The following NIBAN3 variants were observed in gnomAD, a reference collection of about 807,000 sequenced individuals.
NIBAN3 encodes niban apoptosis regulator 3.
NIBAN3 carries 66 observed loss-of-function variants against 76.4 expected under a neutral mutation model. That is an observed-to-expected ratio of 0.86 (90% confidence interval 0.71 to 1.06). NIBAN3 has a LOEUF of 1.06. Ranked by LOEUF, NIBAN3 falls within the 50% of genes least tolerant of loss-of-function variation. The probability of loss-of-function intolerance (pLI) is 0.00; values close to 1 mark genes in which losing one functional copy is unlikely to be tolerated. For missense variants in NIBAN3, 808 were observed against 810.7 expected (o/e 1.00, Z 0.04); for synonymous variants, 360 against 355.2 (o/e 1.01, Z -0.15).
intron 4 of NIBAN3, among the ~76,000 whole-genome samples, chr19:17,536,916 C>T (rs775352026): frequency 2.0e-5 from 3 of 152,058 alleles, no homozygotes; most frequent in Non-Finnish European, 4.4e-5. Context: ...GCAGGCAGAT[C>T]GCTTGAGCTC....
rs759891747 is a variant in NIBAN3, at chr19:17,527,274, C to T, written c.-67C>T. 5 of 1,550,444 alleles carry T rather than the reference C, an allele frequency of 3.2e-6. No individual in the cohort carries two copies. The highest frequency in any genetic ancestry group is 3.5e-4 in the Middle Eastern group (2 of 5,658). ...GCCTCTCACCCGCCATCCAGGTGCC[C>T]CTGAGCCGAGGAACGCAGGCGGTGG... On this transcript the variant is annotated 5_prime_UTR_variant, in exon 1 of 15. Transcript: ENST00000599164.
intron 4 of NIBAN3, among the ~76,000 whole-genome samples, chr19:17,534,006 G>C (rs1317398373): frequency 6.6e-6 from 1 of 152,204 alleles, no homozygotes; most frequent in Non-Finnish European, 1.5e-5. Context: ...GGGAGAGTTA[G>C]GTCATGGGAC....
intron 13 of NIBAN3, among the ~76,000 whole-genome samples, chr19:17,548,433 G>C (rs768986763): frequency 2.0e-5 from 3 of 152,160 alleles, no homozygotes; most frequent in Non-Finnish European, 4.4e-5. Context: ...ACAAAGGACA[G>C]GCCCGAGCAG....
rs201596372 is a variant in NIBAN3, at chr19:17,537,361, C to T, written c.428-15C>T. 8.1e-5 allele frequency: 130 copies of T among 1,611,492 alleles called. No individual in the cohort carries two copies. In the African/African-American group the frequency reaches 1.5e-3, roughly 18 times the overall value. ...AATGAACGTCTAGAAGATGCGACCT[C>T]CTGTTTGTTTTCAGGAGACCATACT... On this transcript the variant is annotated splice_polypyrimidine_tract_variant and intron_variant, in intron 4 of 14. Coordinates refer to ENST00000599164, the MANE Select transcript of NIBAN3 (RefSeq NM_001321827.2).
At chr19:17,538,979 T>A (rs2075881644) in intron 5 of NIBAN3, among the ~76,000 whole-genome samples, 171 bp from the exon 6 acceptor site, 1 of 152,196 alleles carries the variant, frequency 6.6e-6, no homozygotes, top group Non-Finnish European at 1.5e-5. Flanking sequence ...TGAATAAACA[T>A]GATGGTCTTG....
At chr19:17,549,363 G>A in intron 13 of NIBAN3, 81 bp from the exon 14 acceptor site, 1 of 959,184 alleles carries the variant, frequency 1.0e-6, no homozygotes, top group African/African-American at 1.6e-5. Flanking sequence ...TGAGACATTT[G>A]TAGTCTCTCT....
At chr19:17,553,871 CTTT>C (rs368209352), downstream of NIBAN3, 111 of 141,088 alleles carry the variant, frequency 7.9e-4, no homozygotes, top group South Asian at 3.2e-3. Context: ...TTGTTTTTAC[CTTT>C]TTTTTTTTTT....
intron 13 of NIBAN3, among the ~76,000 whole-genome samples, chr19:17,547,600 C>T (rs999871145): frequency 6.7e-6 from 1 of 150,112 alleles, no homozygotes; most frequent in Admixed American, 6.6e-5. Context: ...TGATCCTCCC[C>T]CCTTGGGCTC....
chr19:17,545,391 T>C (rs2076034243), intron 12 of NIBAN3: 1 of 171,964 alleles, frequency 5.8e-6, no homozygotes, highest in Non-Finnish European at 1.2e-5. Context: ...GGTCTCTCCC[T>C]GTGTGCAGAG....
chr19:17,539,364 G>C lies in NIBAN3; in HGVS notation c.729G>C (p.Leu243=). 1 of 1,544,696 alleles carries C rather than the reference G, an allele frequency of 6.5e-7. No homozygotes were observed. The highest frequency in any genetic ancestry group is 2.4e-5 in the East Asian group (1 of 41,102). The stretch of plus-strand genomic sequence containing the variant: ...TCCTGCAGGTGCTGACCGCGGTGCT[G>C]ATGCGGGAGCAACTTCCCGCGCTGC... The part of the protein sequence containing the change: ...GSDAEVLTAV[L]MREQLPALRA... The change falls in exon 7 of 15, where the codon CTG becomes CTC. Residue 243 remains leucine, a synonymous_variant. Coordinates refer to ENST00000599164, the MANE Select transcript of NIBAN3 (RefSeq NM_001321827.2).
chr19:17,539,001 T>C, intron 5 of NIBAN3, 149 bp from the exon 6 acceptor site: 1 of 643,226 alleles, frequency 1.6e-6, no homozygotes. Flanking sequence ...GGGACTGTGT[T>C]CCCTGTGGAG....
At position 17,544,383 on chromosome 19, in the gene NIBAN3, C is replaced by T. The variant is rs117026635; in HGVS notation, c.1554+752C>T. 2.9e-3 allele frequency among the ~76,000 whole-genome samples: 445 copies of T among 152,296 alleles called. 1 individual carries two copies. Among genetic ancestry groups the T allele is most frequent in the Non-Finnish European group, 4.6e-3 (316 of 68,022 alleles). ...ACAATGCCCTCTGCTTCACCTATGACGGGGTTCATTACCCTGTGTCTGCCA... is the reference window on the plus strand; with the variant it reads ...ACAATGCCCTCTGCTTCACCTATGATGGGGTTCATTACCCTGTGTCTGCCA... On this transcript the variant is annotated intron_variant, in intron 12 of 14. Coordinates refer to ENST00000599164, the MANE Select transcript of NIBAN3 (RefSeq NM_001321827.2).
At chr19:17,528,887 G>T (rs1181399032) in intron 1 of NIBAN3, among the ~76,000 whole-genome samples, 1 of 151,966 alleles carries the variant, frequency 6.6e-6, no homozygotes, top group Non-Finnish European at 1.5e-5. Flanking sequence ...TGCATGGTGA[G>T]AATGATGGGA....
Position 17,539,471 on chromosome 19 carries a change from C to T in NIBAN3, c.816+20C>T. ...ACCGAGGTATGCACGGCGTCCGGAT[C>T]CGGGATAGGGGGCGGGATGCGGGCG... is the stretch of plus-strand genomic sequence containing the variant. On this transcript the variant is annotated intron_variant, in intron 7 of 14. Coordinates refer to ENST00000599164, the MANE Select transcript of NIBAN3 (RefSeq NM_001321827.2). 6.8e-7 allele frequency: 1 copy of T among 1,461,560 alleles called. No individual in the cohort carries two copies. The highest frequency in any genetic ancestry group is 9.0e-7 in the Non-Finnish European group (1 of 1,107,072). The allele number at this position is 1,461,560 out of a possible 1,614,324, so 90.5% of individuals were successfully genotyped here.
intron 14 of NIBAN3, among the ~76,000 whole-genome samples, chr19:17,551,339 C>T (rs1200916520): frequency 1.3e-5 from 2 of 151,914 alleles, no homozygotes; most frequent in South Asian, 2.1e-4. Flanking sequence ...AGGTGATCCA[C>T]CTGCCTCGGC....
intron 1 of NIBAN3, 45 bp downstream of exon 1, chr19:17,527,440 G>A (rs778743860): frequency 1.4e-6 from 2 of 1,473,382 alleles, no homozygotes; most frequent in Non-Finnish European, 1.8e-6. Flanking sequence ...AGGTGGGTGG[G>A]GGCTCCAGCC....
At chr19:17,530,370 A>G (rs2075695566) in intron 1 of NIBAN3, among the ~76,000 whole-genome samples, 1 of 151,484 alleles carries the variant, frequency 6.6e-6, no homozygotes, top group South Asian at 2.1e-4. Flanking sequence ...CGTCTCTACT[A>G]AAAAATACAA....
chr19:17,524,662 G>A (rs968459407), upstream of NIBAN3, among the ~76,000 whole-genome samples: 2 of 152,222 alleles, frequency 1.3e-5, no homozygotes, highest in Non-Finnish European at 2.9e-5. Context: ...ATTACTAGAG[G>A]CTTAAGCAAA....
chr19:17,545,260 G>A (rs1472917912), intron 12 of NIBAN3: 1 of 156,224 alleles, frequency 6.4e-6, no homozygotes, highest in East Asian at 1.9e-4. Flanking sequence ...GTAGTGCAGT[G>A]GTGTGATCTT....
Sources: allele counts gnomAD v4.1 joint callset (sites outside exome capture counted in the v4.1 genomes callset), GRCh38; gene constraint gnomAD v4.1.1; transcripts MANE v1.5; gene names NCBI Gene and HGNC (gene_info 2026-07-23, HGNC 2026-07-21).